SLC17A4: variants seen among roughly 807,000 people sequenced by gnomAD.
SLC17A4 encodes probable small intestine urate exporter.
In SLC17A4, 33 loss-of-function variants were observed where a neutral mutation model predicts 52.5. That is an observed-to-expected ratio of 0.63 (90% CI 0.48 to 0.84). SLC17A4 has a LOEUF of 0.84. SLC17A4 is among the 40% of genes least tolerant of loss of function. The pLI is 0.00. For synonymous variants in SLC17A4, 225 were observed against 216.2 expected, an observed-to-expected ratio of 1.04 and a Z score of -0.36; for missense variants, 585 against 597.1, an observed-to-expected ratio of 0.98 and a Z score of 0.21.
chr6:25,769,505 C>A (rs1007615676), intron 3 of SLC17A4, among the ~76,000 whole-genome samples: 15 of 150,010 alleles, frequency 1.0e-4, no homozygotes, highest in African/African-American at 3.7e-4. Context: ...TTGCAGTGAG[C>A]GGAGATCGTG....
chr6:25,776,520 A>G, intron 8 of SLC17A4, 75 bp from the exon 9 acceptor site: 1 of 1,507,600 alleles, frequency 6.6e-7, no homozygotes, highest in Non-Finnish European at 8.9e-7. Flanking sequence ...AAATGTGGAC[A>G]GTCTGTCCAA....
chr6:25,780,316 A>T lies in SLC17A4; in HGVS notation c.*1128A>T, dbSNP rs552949580. The T allele has an allele frequency of 1.3e-5, 2 of 152,238 alleles. No homozygotes were observed. The highest frequency in any genetic ancestry group is 2.1e-4 in the South Asian group (1 of 4,834). The allele number at this position is 152,238 out of a possible 1,614,324, so 9.4% of individuals were successfully genotyped here. A position where few individuals can be genotyped will look rare whatever the true frequency, so the allele number is the denominator to read the frequency against. ...TTTAATCAAAGTATCACACAAGTGA[A>T]TATGTAATAACAACTGTAGAAATAA... is the stretch of plus-strand genomic sequence containing the variant. On this transcript the variant is annotated 3_prime_UTR_variant, in exon 12 of 12. Coordinates refer to ENST00000377905, the MANE Select transcript of SLC17A4 (RefSeq NM_005495.3).
At chr6:25,756,947 C>T (rs188402057) in intron 1 of SLC17A4, among the ~76,000 whole-genome samples, 1 of 152,304 alleles carries the variant, frequency 6.6e-6, no homozygotes, top group East Asian at 1.9e-4. Flanking sequence ...CAACTAATTG[C>T]CCTGAGGTGT....
chr6:25,765,226 G>A (rs1243079539), intron 2 of SLC17A4, among the ~76,000 whole-genome samples: 1 of 152,250 alleles, frequency 6.6e-6, no homozygotes, highest in Non-Finnish European at 1.5e-5. Context: ...GTACACTTAT[G>A]AAAGATAACA....
At chr6:25,768,724 C>A (rs968660190) in intron 2 of SLC17A4, among the ~76,000 whole-genome samples, 2 of 152,280 alleles carry the variant, frequency 1.3e-5, no homozygotes, top group African/African-American at 4.8e-5. Flanking sequence ...CATCCCAGAG[C>A]CCTGCCTAAA....
At chr6:25,769,527 C>A (rs1005728172) in intron 3 of SLC17A4, among the ~76,000 whole-genome samples, 1 of 150,090 alleles carries the variant, frequency 6.7e-6, no homozygotes, top group Non-Finnish European at 1.5e-5. Context: ...CACTGCACTC[C>A]GGTCTGGGTG....
At chr6:25,758,220 G>T (rs17268697) in intron 1 of SLC17A4, among the ~76,000 whole-genome samples, 14,232 of 152,212 alleles carry the variant, frequency 0.094, 860 homozygotes, top group Middle Eastern at 0.16. Flanking sequence ...CCTCCTTGCA[G>T]GCAGCTCCTA....
At chr6:25,768,347 G>A (rs1407587086) in intron 2 of SLC17A4, 1 of 985,032 alleles carries the variant, frequency 1.0e-6, no homozygotes, top group African/African-American at 1.7e-5. Context: ...GATAGTGGAT[G>A]AATTCTTCCC....
Position 25,773,625 on chromosome 6 carries a change from C to T in SLC17A4, c.938C>T (p.Ala313Val), listed in dbSNP as rs374082636. Residue 313 changes from alanine (A) to valine (V), a missense_variant, in exon 8 of 12, where the codon GCG becomes GTG. Transcript: ENST00000377905. ...TACTGGCTTTTTTATACCATTATGG[C>T]GTACACACCAACGTACATCAGCTCG... ...CEYWLFYTIM[A>V]YTPTYISSVL... is the part of the protein sequence containing the mutation. 39 of 1,613,742 alleles carry T rather than the reference C, an allele frequency of 2.4e-5. No homozygotes were observed. Among genetic ancestry groups the T allele is most frequent in the Middle Eastern group, 3.3e-4 (2 of 6,078 alleles).
chr6:25,759,873 G>C (rs1186397669), intron 1 of SLC17A4, among the ~76,000 whole-genome samples: 2 of 152,152 alleles, frequency 1.3e-5, no homozygotes, highest in African/African-American at 4.8e-5. Flanking sequence ...TAGCTGTATA[G>C]TATTTCAGAA....
intron 11 of SLC17A4, 65 bp from the exon 12 acceptor site, chr6:25,778,989 C>G (rs926690628): frequency 6.3e-7 from 1 of 1,590,836 alleles, no homozygotes; most frequent in African/African-American, 1.3e-5. Flanking sequence ...AGAGCCAAAG[C>G]CTTTCTGAAC....
chr6:25,766,253 A>C (rs1762009807), intron 2 of SLC17A4, among the ~76,000 whole-genome samples: 1 of 151,798 alleles, frequency 6.6e-6, no homozygotes, highest in African/African-American at 2.4e-5. Context: ...GAAATGAAGA[A>C]AATTGTCAAA....
Position 25,770,248 on chromosome 6 carries a change from A to C in SLC17A4, c.479A>C (p.Asn160Thr). ...FLTLFIPLAA[N>T]AGVALLIVLR... ...ACCCTCTTCATTCCACTGGCAGCTA[A>C]TGCGGGAGTGGCCTTGCTCATTGTC... is the stretch of plus-strand genomic sequence containing the variant. Residue 160 changes from asparagine to threonine, a missense_variant, in exon 4 of 12, where the codon AAT becomes ACT. Coordinates refer to ENST00000377905, the MANE Select transcript of SLC17A4 (RefSeq NM_005495.3). The C allele has an allele frequency of 6.2e-7, 1 of 1,614,142 alleles. No homozygotes were observed.
At position 25,770,371 on chromosome 6, in the gene SLC17A4, T is replaced by A; in HGVS notation, c.532-13T>A. The A allele has an allele frequency of 6.2e-7, 1 of 1,613,968 alleles. No homozygotes were observed. The highest frequency in any genetic ancestry group is 8.5e-7 in the Non-Finnish European group (1 of 1,179,892). ...TGACCTCAGATCTCCAAGAATGGAA[T>A]TTTTCCCCCCAGGTTATGGTATTAA... On this transcript the variant is annotated splice_polypyrimidine_tract_variant and intron_variant, in intron 4 of 11. Transcript: ENST00000377905.
chr6:25,762,013 T>C lies in SLC17A4; in HGVS notation c.51T>C (p.Asp17=), dbSNP rs34932751. ...CTACAGTGGGGGACATTTCCAGTGA[T>C]GGCAATTTAAACGTGGCTCAAGAGG... ...VKATVGDISS[D]GNLNVAQEEC... Residue 17 remains aspartate (D), a synonymous_variant, in exon 2 of 12, where the codon GAT becomes GAC. Transcript: ENST00000377905. 0.024 allele frequency: 39,341 copies of C among 1,613,818 alleles called. 610 individuals carry two copies. The highest frequency in any genetic ancestry group is 0.026 in the Non-Finnish European group (31,006 of 1,179,796).
chr6:25,769,364 C>T lies in SLC17A4; in HGVS notation c.297+174C>T, dbSNP rs143445413. Reference sequence around the variant, plus strand: ...AGCATGGTGGCTCACACCTTTAGTCCCAGCACTTTGGGAGGGTGAGGCATC... The same window carrying T: ...AGCATGGTGGCTCACACCTTTAGTCTCAGCACTTTGGGAGGGTGAGGCATC... On this transcript the variant is annotated intron_variant, in intron 3 of 11. Coordinates refer to ENST00000377905, the MANE Select transcript of SLC17A4 (RefSeq NM_005495.3). 1.5e-3 allele frequency among the ~76,000 whole-genome samples: 232 copies of T among 152,056 alleles called. 1 individual carries two copies. Among genetic ancestry groups the T allele is most frequent in the Middle Eastern group, 6.8e-3 (2 of 294 alleles).
chr6:25,777,071 G>A (rs79746315), intron 10 of SLC17A4, 112 bp downstream of exon 10: 44,364 of 1,152,834 alleles, frequency 0.038, 1,954 homozygotes, highest in African/African-American at 0.2. Context: ...TGCAGGAAAT[G>A]TCAGCACCAG....
intron 10 of SLC17A4, chr6:25,777,609 A>AAC (rs1219675034): frequency 2.8e-5 from 6 of 215,982 alleles, no homozygotes; most frequent in South Asian, 1.5e-4. Flanking sequence ...ACAACAACAA[A>AAC]AACCTTACAA....
At chr6:25,755,607 G>A (rs1283293861) in intron 1 of SLC17A4, among the ~76,000 whole-genome samples, 1 of 152,106 alleles carries the variant, frequency 6.6e-6, no homozygotes, top group African/African-American at 2.4e-5. Context: ...AGAATGGCTG[G>A]CTCCATTTCT....
Sources: allele counts gnomAD v4.1 joint callset (sites outside exome capture counted in the v4.1 genomes callset), GRCh38; gene constraint gnomAD v4.1.1; transcripts MANE v1.5; gene names NCBI Gene and HGNC (gene_info 2026-07-23, HGNC 2026-07-21).